ZNF804B: variants seen among roughly 807,000 people sequenced by gnomAD.
ZNF804B encodes the protein zinc finger protein 804B, also known as zinc finger 804B.
In ZNF804B, 80 loss-of-function variants were observed where a neutral mutation model predicts 101.4. The ratio of observed to expected loss-of-function variants is 0.79; its 90% confidence interval spans 0.66 to 0.95. ZNF804B has a LOEUF of 0.95. Ranked by LOEUF, ZNF804B falls within the 40% of genes least tolerant of loss-of-function variation. The probability of loss-of-function intolerance (pLI) is 0.00; values close to 1 mark genes in which losing one functional copy is unlikely to be tolerated. For synonymous variants in ZNF804B, 622 were observed against 558.8 expected (o/e 1.11, Z -1.59); for missense variants, 1,673 against 1,561.9 (o/e 1.07, Z -1.20).
intron 1 of ZNF804B, among the ~76,000 whole-genome samples, chr7:89,207,648 G>A (rs1335191521): frequency 6.6e-6 from 1 of 152,154 alleles, no homozygotes; most frequent in Non-Finnish European, 1.5e-5. Context: ...TTAAGACTCA[G>A]TCTTTGTGTT....
At chr7:89,107,521 A>G (rs1157575332) in intron 1 of ZNF804B, among the ~76,000 whole-genome samples, 1 of 152,140 alleles carries the variant, frequency 6.6e-6, no homozygotes, top group African/African-American at 2.4e-5. Flanking sequence ...GAGAATAATA[A>G]CTTCACATCT....
chr7:88,851,301 T>A (rs991267310), intron 1 of ZNF804B, among the ~76,000 whole-genome samples: 19 of 151,818 alleles, frequency 1.3e-4, no homozygotes, highest in African/African-American at 4.6e-4. Flanking sequence ...ACAACAAACA[T>A]AAGAAACATA....
chr7:89,066,669 T>G (rs997188217), intron 1 of ZNF804B, among the ~76,000 whole-genome samples: 2 of 152,136 alleles, frequency 1.3e-5, no homozygotes, highest in Admixed American at 6.6e-5. Flanking sequence ...TTAATGAGTA[T>G]GCAGCCAAAA....
At chr7:89,288,275 T>C (rs1790237085) in intron 2 of ZNF804B, among the ~76,000 whole-genome samples, 1 of 151,898 alleles carries the variant, frequency 6.6e-6, no homozygotes, top group Admixed American at 6.6e-5. Flanking sequence ...TAGAACACAG[T>C]CAGAAGATCT....
At chr7:88,894,321 T>C (rs1481915597) in intron 1 of ZNF804B, among the ~76,000 whole-genome samples, 4 of 151,842 alleles carry the variant, frequency 2.6e-5, no homozygotes, top group African/African-American at 4.8e-5. Flanking sequence ...TGAAGTGATT[T>C]TCCTGCCTCA....
intron 1 of ZNF804B, among the ~76,000 whole-genome samples, chr7:88,876,903 T>C (rs1442273144): frequency 1.4e-5 from 2 of 147,906 alleles, no homozygotes; most frequent in Non-Finnish European, 3.0e-5. Context: ...TTTAGAAATA[T>C]GAATTAAAAA....
intron 1 of ZNF804B, among the ~76,000 whole-genome samples, chr7:88,983,220 A>G (rs1289497662): frequency 6.6e-6 from 1 of 152,096 alleles, no homozygotes; most frequent in Non-Finnish European, 1.5e-5. Context: ...CATGAGACCT[A>G]TTGAATCAGG....
At chr7:89,195,151 A>G (rs1788526552) in intron 1 of ZNF804B, among the ~76,000 whole-genome samples, 1 of 150,934 alleles carries the variant, frequency 6.6e-6, no homozygotes, top group Non-Finnish European at 1.5e-5. Context: ...CTTCATGCTA[A>G]AAACTCTCAA....
chr7:89,296,754 A>G (rs957552684), intron 2 of ZNF804B, among the ~76,000 whole-genome samples: 2 of 152,080 alleles, frequency 1.3e-5, no homozygotes. Context: ...TTTTAAAAAG[A>G]GCCAGCCACC....
intron 1 of ZNF804B, among the ~76,000 whole-genome samples, chr7:88,861,366 G>A (rs1285936674): frequency 1.3e-5 from 2 of 152,146 alleles, no homozygotes; most frequent in Non-Finnish European, 2.9e-5. Context: ...CAACACACAG[G>A]AAGGAAACAA....
At position 88,897,129 on chromosome 7, in the gene ZNF804B, C is replaced by A. The variant is rs73705581; in HGVS notation, c.108+137045C>A. 5.8e-3 allele frequency among the ~76,000 whole-genome samples: 887 copies of A among 152,268 alleles called. 7 individuals carry two copies. Among genetic ancestry groups the A allele is most frequent in the African/African-American group, 0.019 (802 of 41,548 alleles). On this transcript the variant is annotated intron_variant, in intron 1 of 3. Coordinates refer to ENST00000333190, the MANE Select transcript of ZNF804B (RefSeq NM_181646.5). ...ACCACTAAAGATATCCATGCATTAA[C>A]CCCCAGAACCTGTGCATGTGTTACC...
intron 1 of ZNF804B, among the ~76,000 whole-genome samples, chr7:89,156,002 T>C (rs1201097262): frequency 1.6e-5 from 2 of 128,764 alleles, no homozygotes; most frequent in African/African-American, 2.7e-5. Flanking sequence ...CTTCTTTCTT[T>C]CTTTCTTTCT....
At chr7:88,874,618 A>G (rs1222304012) in intron 1 of ZNF804B, among the ~76,000 whole-genome samples, 2 of 151,890 alleles carry the variant, frequency 1.3e-5, no homozygotes, top group Non-Finnish European at 2.9e-5. Flanking sequence ...TGTCATAGAT[A>G]GCTCTTATTA....
chr7:89,232,340 G>T (rs1008081685), intron 2 of ZNF804B, among the ~76,000 whole-genome samples: 21 of 152,080 alleles, frequency 1.4e-4, no homozygotes, highest in Non-Finnish European at 2.5e-4. Flanking sequence ...ATGATGATTT[G>T]TTAAGGATTT....
intron 1 of ZNF804B, among the ~76,000 whole-genome samples, chr7:89,205,444 T>G (rs1022395372): frequency 1.3e-5 from 2 of 152,100 alleles, no homozygotes; most frequent in Admixed American, 6.5e-5. Flanking sequence ...CAAAAGCAAC[T>G]TAGTTACTTC....
chr7:88,852,815 T>A (rs1029556441), intron 1 of ZNF804B, among the ~76,000 whole-genome samples: 2 of 152,130 alleles, frequency 1.3e-5, no homozygotes, highest in Admixed American at 6.6e-5. Flanking sequence ...GAGTTTTGAT[T>A]CAATGCAGGC....
intron 1 of ZNF804B, among the ~76,000 whole-genome samples, chr7:88,934,327 A>G (rs2116026961): frequency 1.3e-5 from 2 of 152,152 alleles, no homozygotes; most frequent in South Asian, 4.1e-4. Flanking sequence ...ACTCTTCTAC[A>G]CATGGACTTA....
At chr7:88,766,308 T>C (rs1384327347) in intron 1 of ZNF804B, among the ~76,000 whole-genome samples, 2 of 152,178 alleles carry the variant, frequency 1.3e-5, no homozygotes, top group African/African-American at 4.8e-5. Flanking sequence ...GGAAACCTTG[T>C]CTCAAAAATA....
At chr7:88,873,298 C>T (rs1320439123) in intron 1 of ZNF804B, among the ~76,000 whole-genome samples, 1 of 152,174 alleles carries the variant, frequency 6.6e-6, no homozygotes, top group Non-Finnish European at 1.5e-5. Flanking sequence ...ATGTCCTTTG[C>T]ACACTTTTTG....
Sources: allele counts gnomAD v4.1 joint callset (sites outside exome capture counted in the v4.1 genomes callset), GRCh38; gene constraint gnomAD v4.1.1; transcripts MANE v1.5; gene names NCBI Gene and HGNC (gene_info 2026-07-23, HGNC 2026-07-21).